SUGCT: variants seen among roughly 807,000 people sequenced by gnomAD.
SUGCT encodes succinyl-CoA:glutarate CoA-transferase.
A neutral mutation model predicts 55.0 loss-of-function variants in SUGCT; 41 were observed. The ratio of observed to expected loss-of-function variants is 0.74; its 90% CI spans 0.58 to 0.97. The LOEUF (loss-of-function observed/expected upper bound fraction) is 0.97, where lower values mean the gene tolerates loss of function less well. SUGCT is among the 50% of genes least tolerant of loss of function. The pLI is 0.00. For missense variants in SUGCT, 568 were observed against 547.8 expected (o/e 1.04, Z -0.37); for synonymous variants, 187 against 200.4 (o/e 0.93, Z 0.56).
intron 12 of SUGCT, among the ~76,000 whole-genome samples, chr7:40,733,658 T>G (rs1787012652): frequency 6.6e-6 from 1 of 152,210 alleles, no homozygotes; most frequent in South Asian, 2.1e-4. Context: ...AGTGTCCGTG[T>G]CTTTCTGTAG....
chr7:40,764,680 T>A (rs1348749765), intron 13 of SUGCT, among the ~76,000 whole-genome samples: 7 of 152,170 alleles, frequency 4.6e-5, no homozygotes, highest in Non-Finnish European at 1.0e-4. Context: ...AAGATTATAT[T>A]TGTTAAATGA....
chr7:40,974,156 G>T, the SUGCT span, among the ~76,000 whole-genome samples: 1 of 152,188 alleles, frequency 6.6e-6, no homozygotes, highest in Admixed American at 6.5e-5. Context: ...AAAGAAAAGT[G>T]ACTCTATTTT....
rs139952664 is a variant in SUGCT at position 40,696,730 on chromosome 7, A to G, written c.1090-52704A>G. 3.9e-5 allele frequency among the ~76,000 whole-genome samples: 6 copies of G among 152,296 alleles called. No homozygotes were observed. In the East Asian group the frequency reaches 1.2e-3, roughly 29 times the overall value. On this transcript the variant is annotated intron_variant, in intron 12 of 13. Coordinates refer to ENST00000335693, the MANE Select transcript of SUGCT (RefSeq NM_001193313.2). Reference sequence around the variant, plus strand: ...CATGCTCAGCGACATTTTCTTCATTACTTCATAAATACATGAATATTTATT... The same window carrying G: ...CATGCTCAGCGACATTTTCTTCATTGCTTCATAAATACATGAATATTTATT...
rs117539645 is a variant in SUGCT at position 40,517,861 on chromosome 7, A to T, written c.1089+21475A>T. ...CTTCTACCCATCCCGGTAGATCTTA[A>T]ATCTATATTGCTGTATGAAAGAAGC... is the stretch of plus-strand genomic sequence containing the variant. On this transcript the variant is annotated intron_variant, in intron 12 of 13. Coordinates refer to ENST00000335693, the MANE Select transcript of SUGCT (RefSeq NM_001193313.2). 7.0e-4 allele frequency among the ~76,000 whole-genome samples: 106 copies of T among 152,150 alleles called. No homozygotes were observed. In the East Asian group the frequency reaches 0.019, roughly 27 times the overall value.
chr7:40,163,201 T>C (rs965678699), intron 1 of SUGCT, among the ~76,000 whole-genome samples: 1 of 152,168 alleles, frequency 6.6e-6, no homozygotes, highest in Non-Finnish European at 1.5e-5. Context: ...AGCAGTGAGA[T>C]TTGGGATTAG....
rs570934621 is a variant in SUGCT at position 40,575,173 on chromosome 7, G to A, written c.1089+78787G>A. ...TTGGAGTAAATTCTTCGGATCGTCT[G>A]CCTCAAACATACCCCTCCAAAAGTC... On this transcript the variant is annotated intron_variant, in intron 12 of 13. Transcript: ENST00000335693. 1.3e-3 allele frequency among the ~76,000 whole-genome samples: 200 copies of A among 151,924 alleles called. 1 individual carries two copies. Among genetic ancestry groups the A allele is most frequent in the African/African-American group, 4.7e-3 (194 of 41,338 alleles).
chr7:40,227,166 C>A (rs1023724779), intron 6 of SUGCT, among the ~76,000 whole-genome samples: 2 of 150,522 alleles, frequency 1.3e-5, no homozygotes, highest in Non-Finnish European at 3.0e-5. Flanking sequence ...CCTGCCTCAG[C>A]CTCCCAAGTA....
intron 9 of SUGCT, among the ~76,000 whole-genome samples, chr7:40,351,568 C>G (rs954088132): frequency 6.6e-6 from 1 of 151,936 alleles, no homozygotes; most frequent in Non-Finnish European, 1.5e-5. Context: ...CACATAATAC[C>G]TTTTTGGGTT....
At chr7:40,588,701 A>C (rs1797545158) in intron 12 of SUGCT, among the ~76,000 whole-genome samples, 1 of 152,240 alleles carries the variant, frequency 6.6e-6, no homozygotes, top group South Asian at 2.1e-4. Flanking sequence ...ATACTGCAAT[A>C]ATCCTGGTTA....
chr7:40,155,021 T>A (rs886489759), intron 1 of SUGCT, among the ~76,000 whole-genome samples: 8 of 152,198 alleles, frequency 5.3e-5, no homozygotes, highest in Admixed American at 5.2e-4. Context: ...GCGTGGTGGC[T>A]CACGCCTGTA....
At chr7:40,844,683 C>A (rs988015728) in intron 13 of SUGCT, among the ~76,000 whole-genome samples, 1 of 152,158 alleles carries the variant, frequency 6.6e-6, no homozygotes, top group Non-Finnish European at 1.5e-5. Flanking sequence ...CATTTTGGAC[C>A]GCAGGTCCAG....
At chr7:40,924,661 T>C in the SUGCT span, among the ~76,000 whole-genome samples, 1 of 152,238 alleles carries the variant, frequency 6.6e-6, no homozygotes, top group East Asian at 1.9e-4. Flanking sequence ...CTCCTTCAAC[T>C]AGGTATCCAT....
chr7:40,821,681 G>A (rs1792023748), intron 13 of SUGCT, among the ~76,000 whole-genome samples: 1 of 152,064 alleles, frequency 6.6e-6, no homozygotes, highest in Non-Finnish European at 1.5e-5. Context: ...CTTGCTAGCG[G>A]TCTGTCAATT....
chr7:40,780,430 T>A (rs1004836589), intron 13 of SUGCT, among the ~76,000 whole-genome samples: 1 of 152,162 alleles, frequency 6.6e-6, no homozygotes, highest in Non-Finnish European at 1.5e-5. Context: ...ATTTCAGTTT[T>A]CAAAAACTGT....
chr7:40,885,734 G>A, the SUGCT span, among the ~76,000 whole-genome samples: 2 of 152,108 alleles, frequency 1.3e-5, no homozygotes, highest in African/African-American at 4.8e-5. Flanking sequence ...CCTGCTGGGA[G>A]GAAAGGCAAT....
intron 12 of SUGCT, among the ~76,000 whole-genome samples, chr7:40,582,162 A>C (rs563016315): frequency 6.6e-6 from 1 of 152,262 alleles, no homozygotes; most frequent in South Asian, 2.1e-4. Flanking sequence ...AGAAACAATA[A>C]AGAAATACAA....
At chr7:40,898,452 C>T in the SUGCT span, among the ~76,000 whole-genome samples, 4 of 123,722 alleles carry the variant, frequency 3.2e-5, no homozygotes, top group Admixed American at 1.2e-4. Flanking sequence ...TTGGGGCTCA[C>T]GCCTGTAATC....
chr7:40,846,879 T>A (rs1793582531), intron 13 of SUGCT, among the ~76,000 whole-genome samples: 1 of 152,174 alleles, frequency 6.6e-6, no homozygotes, highest in Non-Finnish European at 1.5e-5. Context: ...CCCACTTTCT[T>A]CATTGAGAAA....
In SUGCT at chr7:40,860,714, G is replaced by T; in HGVS notation, c.*235G>T. ...TTTTTTCAGATGATGATTTCATTAT[G>T]GATTTGTGGGATTTTTAAAAATAAA... On this transcript the variant is annotated 3_prime_UTR_variant, in exon 14 of 14. Transcript: ENST00000335693. The T allele has an allele frequency of 1.9e-5, 7 of 368,872 alleles. No homozygotes were observed. Among genetic ancestry groups the T allele is most frequent in the South Asian group, 9.9e-5 (1 of 10,148 alleles). The allele number at this position is 368,872 out of a possible 1,614,324, so 22.8% of individuals were successfully genotyped here.
Sources: gnomAD v4.1 joint callset for allele counts (sites outside exome capture counted in the v4.1 genomes callset) on GRCh38, gnomAD v4.1.1 for gene constraint, MANE v1.5 for transcripts, NCBI Gene and HGNC (gene_info 2026-07-23, HGNC 2026-07-21) for gene names.